MYO1G: variants seen among roughly 807,000 people sequenced by gnomAD.
The protein encoded by MYO1G is myosin IG, also known as unconventional myosin-Ig.
Under a neutral mutation model 115.3 loss-of-function variants are expected in MYO1G, and 65 were observed. The ratio of observed to expected loss-of-function variants is 0.56; its 90% confidence interval spans 0.46 to 0.69. The LOEUF (loss-of-function observed/expected upper bound fraction) is 0.69, where lower values mean the gene tolerates loss of function less well. Ranked by LOEUF, MYO1G falls within the 30% of genes least tolerant of loss-of-function variation. The pLI is 0.00. For missense variants in MYO1G, 1,204 were observed against 1,393.5 expected (o/e 0.86, Z 2.16); for synonymous variants, 510 against 552.6 (o/e 0.92, Z 1.08).
intron 9 of MYO1G, 92 bp from the exon 10 acceptor site, chr7:44,970,246 T>C: frequency 1.1e-6 from 1 of 916,168 alleles, no homozygotes. Flanking sequence ...TCTGCTAATG[T>C]TCATTGAGGG....
At position 44,965,103 on chromosome 7, in the gene MYO1G, T is replaced by G. The variant is rs1794816931; in HGVS notation, c.2382-14A>C. ...CGGGCCCGCCACCTGGGAGAGGGCA[T>G]GTAGTCAGACAGATGCTGGCCATGT... On this transcript the variant is annotated splice_polypyrimidine_tract_variant and intron_variant, in intron 17 of 21. Coordinates refer to ENST00000258787, the MANE Select transcript of MYO1G (RefSeq NM_033054.3). 1.3e-6 allele frequency: 2 copies of G among 1,598,236 alleles called. No homozygotes were observed. The highest frequency in any genetic ancestry group is 1.7e-6 in the Non-Finnish European group (2 of 1,168,292).
In MYO1G at chr7:44,969,449, C is replaced by A. The variant is rs141469545; in HGVS notation, c.1538G>T (p.Arg513Leu). The change falls in exon 12 of 22, where the codon CGA becomes CTA. Residue 513 changes from arginine (R) to leucine (L), a missense_variant. By Grantham distance (102) the Arg-to-Leu change is moderately radical. Coordinates refer to ENST00000258787, the MANE Select transcript of MYO1G (RefSeq NM_033054.3). The surrounding 1 kb of genome is among the most constrained non-coding windows in gnomAD (Gnocchi z 5.0). ...CPTDKTMEFGRDFRIKHYAGD... is the reference protein window; with the variant it reads ...CPTDKTMEFGLDFRIKHYAGD... Reference sequence around the variant, plus strand: ...TGCATAGTGCTTGATCCGGAAGTCTCGGCCAAACTCCATGGTCTTGTCTGT... The same window carrying A: ...TGCATAGTGCTTGATCCGGAAGTCTAGGCCAAACTCCATGGTCTTGTCTGT... The A allele has an allele frequency of 6.2e-7, 1 of 1,613,786 alleles. No individual in the cohort carries two copies. Among genetic ancestry groups the A allele is most frequent in the Non-Finnish European group, 8.5e-7 (1 of 1,180,000 alleles).
At chr7:44,978,792 C>T (rs1347058691) in intron 1 of MYO1G, 75 bp downstream of exon 1, 4 of 1,413,168 alleles carry the variant, frequency 2.8e-6, no homozygotes, top group Non-Finnish European at 4.0e-6. Flanking sequence ...CTTCCTCTTT[C>T]CCTCAGGTCT....
In MYO1G at chr7:44,963,693, G is replaced by T. The variant is rs1583782715; in HGVS notation, c.2745+356C>A. 5 of 277,124 alleles carry T rather than the reference G, an allele frequency of 1.8e-5. No homozygotes were observed. In the East Asian group the frequency reaches 3.1e-4, roughly 17 times the overall value. 17.2% of individuals were successfully genotyped at this position (277,124 alleles called of 1,614,324 possible). A position where few individuals can be genotyped will look rare whatever the true frequency, so the allele number is the denominator to read the frequency against. The stretch of plus-strand genomic sequence containing the variant: ...CGGCAGAAGGTTCCGGAGTGGCCGG[G>T]ACGGTATCCCACAGGAGGCCCAGAA... On this transcript the variant is annotated intron_variant, in intron 20 of 21. Coordinates refer to ENST00000258787, the MANE Select transcript of MYO1G (RefSeq NM_033054.3). The surrounding 1 kb of genome is among the most constrained non-coding windows in gnomAD (Gnocchi z 4.1).
Position 44,964,184 on chromosome 7 carries a change from C to G in MYO1G, c.2632-22G>C, listed in dbSNP as rs779021019. 3 of 1,563,818 alleles carry G rather than the reference C, an allele frequency of 1.9e-6. No individual in the cohort carries two copies. Among genetic ancestry groups the G allele is most frequent in the Non-Finnish European group, 2.6e-6 (3 of 1,152,134 alleles). ...TCACCTGTGGGAGAGGTGGCTGGACCCAGGCTGGTGCTGCCCTGTCACCCA... is the reference window on the plus strand; with the variant it reads ...TCACCTGTGGGAGAGGTGGCTGGACGCAGGCTGGTGCTGCCCTGTCACCCA... On this transcript the variant is annotated intron_variant, in intron 19 of 21. Transcript: ENST00000258787. The surrounding 1 kb of genome is among the most constrained non-coding windows in gnomAD (Gnocchi z 5.1).
At position 44,976,604 on chromosome 7, in the gene MYO1G, C is replaced by T. The variant is rs372361298; in HGVS notation, c.358G>A (p.Ala120Thr). The change falls in exon 3 of 22, where the codon GCT (alanine) becomes ACT (threonine). Residue 120 changes from alanine (A) to threonine (T), a missense_variant. Physicochemically the swap from Ala to Thr is moderately conservative, Grantham distance 58. Coordinates refer to ENST00000258787, the MANE Select transcript of MYO1G (RefSeq NM_033054.3). ...CTCTGGCTTGGATTGGTGACAGCAG[C>T]GATGTACTGCATGATGTGCTTACTG... ...EASKHIMQYI[A>T]AVTNPSQRAE... 2.0e-5 allele frequency: 32 copies of T among 1,613,992 alleles called. No individual in the cohort carries two copies. Among genetic ancestry groups the T allele is most frequent in the Admixed American group, 1.2e-4 (7 of 60,000 alleles).
chr7:44,965,280 AG>A (rs1352531964), intron 17 of MYO1G, among the ~76,000 whole-genome samples, 191 bp from the exon 18 acceptor site: 1 of 152,236 alleles, frequency 6.6e-6, no homozygotes, highest in Non-Finnish European at 1.5e-5. Flanking sequence ...AGGGACCAGC[AG>A]TCGCCCAGTG....
Position 44,969,978 on chromosome 7 carries a change from C to T in MYO1G, c.1332+62G>A. On this transcript the variant is annotated intron_variant, in intron 10 of 21. Coordinates refer to ENST00000258787, the MANE Select transcript of MYO1G (RefSeq NM_033054.3). The surrounding 1 kb of genome is among the most constrained non-coding windows in gnomAD (Gnocchi z 5.0). ...CCTGTCAGGCCAGCCCGGGCCCCTC[C>T]CCATGGGCTGAGGCCCCTCCACACC... 6.3e-7 allele frequency: 1 copy of T among 1,596,176 alleles called. No individual in the cohort carries two copies. Among genetic ancestry groups the T allele is most frequent in the Non-Finnish European group, 8.6e-7 (1 of 1,167,666 alleles).
chr7:44,974,357 C>T (rs1327077994), intron 5 of MYO1G: 2 of 152,166 alleles, frequency 1.3e-5, no homozygotes, highest in Non-Finnish European at 2.9e-5. Flanking sequence ...TCTCAGGGAG[C>T]TCCCACCTCA....
In MYO1G at chr7:44,963,865, CT is replaced by C. The variant is rs1051798907; in HGVS notation, c.2745+183del. 8.1e-5 allele frequency: 49 copies of C among 604,208 alleles called. No homozygotes were observed. The highest frequency in any genetic ancestry group is 5.7e-4 in the African/African-American group (31 of 54,648). The allele number at this position is 604,208 out of a possible 1,614,324, so 37.4% of individuals were successfully genotyped here. ...GCTGGTGGGGATCACAGGATGGGAC[CT>C]TTCACTCTGTGGGCGTGGGAAGCCA... On this transcript the variant is annotated intron_variant, in intron 20 of 21. Transcript: ENST00000258787. The surrounding 1 kb of genome is among the most constrained non-coding windows in gnomAD (Gnocchi z 4.1).
chr7:44,965,876 G>A lies in MYO1G; in HGVS notation c.2158-16C>T, dbSNP rs530703540. On this transcript the variant is annotated splice_polypyrimidine_tract_variant and intron_variant, in intron 16 of 21. Coordinates refer to ENST00000258787, the MANE Select transcript of MYO1G (RefSeq NM_033054.3). ...CCCGCCATGCCTGGGTGGGCCAGGT[G>A]GGATGGGATACGCAGTCAAATTCAA... The A allele has an allele frequency of 8.1e-6, 13 of 1,596,538 alleles. No individual in the cohort carries two copies. Among genetic ancestry groups the A allele is most frequent in the Non-Finnish European group, 1.1e-5 (13 of 1,178,750 alleles).
chr7:44,972,266 G>T, intron 5 of MYO1G, 41 bp from the exon 6 acceptor site: 1 of 1,431,892 alleles, frequency 7.0e-7, no homozygotes, highest in Non-Finnish European at 9.9e-7. Flanking sequence ...AAGCTCCCAG[G>T]ATGTCCCCCT....
At chr7:44,978,660 C>T (rs1342532524) in intron 1 of MYO1G, among the ~76,000 whole-genome samples, 4 of 152,234 alleles carry the variant, frequency 2.6e-5, no homozygotes, top group African/African-American at 9.6e-5. Context: ...CCAGCCCTGA[C>T]AGGGACAGTT....
In MYO1G at chr7:44,965,755, G is replaced by C; in HGVS notation, c.2263C>G (p.Leu755Val). The change falls in exon 17 of 22, where the codon CTG becomes GTG. Residue 755 changes from leucine to valine, a missense_variant. Coordinates refer to ENST00000258787, the MANE Select transcript of MYO1G (RefSeq NM_033054.3). ...RHKVRAHLAE[L>V]QRRFQAARQP... ...CTTGCAGCCTGGAATCGCCGCTGCA[G>C]CTCAGCCAGGTGAGCCCGCACCTTG... The C allele has an allele frequency of 6.2e-7, 1 of 1,609,706 alleles. No homozygotes were observed. The highest frequency in any genetic ancestry group is 8.5e-7 in the Non-Finnish European group (1 of 1,179,972).
chr7:44,976,694 T>C, intron 2 of MYO1G, 37 bp from the exon 3 acceptor site: 1 of 1,612,948 alleles, frequency 6.2e-7, no homozygotes, highest in African/African-American at 1.3e-5. Flanking sequence ...ATCAGCCAGG[T>C]TCGCTCTCTT....
In MYO1G at chr7:44,963,147, G is replaced by A; in HGVS notation, c.2746-23C>T. 7.1e-7 allele frequency: 1 copy of A among 1,416,738 alleles called. No homozygotes were observed. The highest frequency in any genetic ancestry group is 1.4e-5 in the South Asian group (1 of 69,086). 87.8% of individuals were successfully genotyped at this position (1,416,738 alleles called of 1,614,324 possible). Reference sequence around the variant, plus strand: ...CACCTGAGCGGAGCGCGGGGTCAGAGTGCAGCCGCCTCAACCCGCACCCCA... The same window carrying A: ...CACCTGAGCGGAGCGCGGGGTCAGAATGCAGCCGCCTCAACCCGCACCCCA... On this transcript the variant is annotated intron_variant, in intron 20 of 21. Transcript: ENST00000258787. The surrounding 1 kb of genome is among the most constrained non-coding windows in gnomAD (Gnocchi z 4.1).
chr7:44,970,300 T>A (rs1424515637), intron 9 of MYO1G, 146 bp from the exon 10 acceptor site: 5 of 715,696 alleles, frequency 7.0e-6, no homozygotes, highest in African/African-American at 5.3e-5. Flanking sequence ...GGCTTATGCA[T>A]CCCTGCCCTG....
Position 44,962,840 on chromosome 7 carries a change from C to G in MYO1G, c.2956G>C (p.Gly986Arg), listed in dbSNP as rs865914185. 6.6e-7 allele frequency: 1 copy of G among 1,512,718 alleles called. No individual in the cohort carries two copies. The allele number at this position is 1,512,718 out of a possible 1,614,324, so 93.7% of individuals were successfully genotyped here. The change falls in exon 22 of 22, where the codon GGG (glycine) becomes CGG (arginine). Residue 986 changes from glycine (G) to arginine (R), a missense_variant. By Grantham distance (125) the Gly-to-Arg change is moderately radical (BLOSUM62 -2). Transcript: ENST00000258787. This position sits in a 1 kb window ranked among gnomAD's most constrained non-coding sequence, Gnocchi z 5.3. Reference protein sequence around the residue: ...VSDCIPLSHRGVRRLISVEPR... With the variant: ...VSDCIPLSHRRVRRLISVEPR... ...TCCACGGAGATGAGGCGCCGGACCC[C>G]GCGATGGCTTAGTGGGATGCAGTCG...
In MYO1G at chr7:44,963,313, G is replaced by A. The variant is rs1794782723; in HGVS notation, c.2746-189C>T. 5.0e-6 allele frequency: 3 copies of A among 603,116 alleles called. No individual in the cohort carries two copies. In the East Asian group the frequency reaches 1.0e-4, roughly 20 times the overall value. The allele number at this position is 603,116 out of a possible 1,614,324, so 37.4% of individuals were successfully genotyped here. On this transcript the variant is annotated intron_variant, in intron 20 of 21. Transcript: ENST00000258787. This position sits in a 1 kb window ranked among gnomAD's most constrained non-coding sequence, Gnocchi z 4.1. The stretch of plus-strand genomic sequence containing the variant: ...GGCCCTGCTGACAGGGGGAAGCTTG[G>A]GCGGGACGCTGCACAATACGATTTT...
Sources: allele counts gnomAD v4.1 joint callset (sites outside exome capture counted in the v4.1 genomes callset), GRCh38; gene constraint gnomAD v4.1.1; non-coding constraint Gnocchi (gnomAD v3.1); transcripts MANE v1.5; gene names NCBI Gene and HGNC (gene_info 2026-07-23, HGNC 2026-07-21).